Variants in ME1 observed in about 807,000 individuals in gnomAD.
The protein encoded by ME1 is NADP-dependent malic enzyme.
In ME1, 74 loss-of-function variants were observed where a neutral mutation model predicts 66.4. That is an observed-to-expected ratio of 1.11 (90% CI 0.92 to 1.35). The LOEUF is 1.35. ME1 is among the 40% of genes most tolerant of loss of function. The probability of loss-of-function intolerance (pLI) is 0.00; values close to 1 mark genes in which losing one functional copy is unlikely to be tolerated. For synonymous variants in ME1, 251 were observed against 235.6 expected, an observed-to-expected ratio of 1.07 and a Z score of -0.60; for missense variants, 750 against 694.1, an observed-to-expected ratio of 1.08 and a Z score of -0.90.
intron 3 of ME1, among the ~76,000 whole-genome samples, chr6:83,365,977 G>A (rs1381589734): frequency 2.0e-5 from 3 of 152,014 alleles, no homozygotes; most frequent in Non-Finnish European, 4.4e-5. Context: ...CATTCTCCAG[G>A]CTCCAATGTT....
chr6:83,334,213 C>T (rs936365131), intron 5 of ME1, among the ~76,000 whole-genome samples: 1 of 149,348 alleles, frequency 6.7e-6, no homozygotes, highest in Non-Finnish European at 1.5e-5. Context: ...ACGGACGCAC[C>T]TGGAAAATCG....
At chr6:83,306,349 C>G (rs1283656225) in intron 6 of ME1, among the ~76,000 whole-genome samples, 2 of 151,870 alleles carry the variant, frequency 1.3e-5, no homozygotes, top group African/African-American at 2.4e-5. Context: ...TAATGATTAT[C>G]TTTAATAATC....
At chr6:83,239,787 T>A (rs1217775377) in intron 7 of ME1, 151 bp from the exon 8 acceptor site, 3 of 580,750 alleles carry the variant, frequency 5.2e-6, no homozygotes, top group Admixed American at 5.8e-5. Flanking sequence ...GCATACGTGG[T>A]AAAATTCCCA....
intron 12 of ME1, among the ~76,000 whole-genome samples, chr6:83,219,225 G>A (rs1387082850): frequency 6.6e-6 from 1 of 152,152 alleles, no homozygotes; most frequent in African/African-American, 2.4e-5. Flanking sequence ...AAGGAGATGT[G>A]GCAGATTTAA....
chr6:83,376,236 T>C (rs1411950562), intron 3 of ME1, among the ~76,000 whole-genome samples: 1 of 152,152 alleles, frequency 6.6e-6, no homozygotes, highest in East Asian at 1.9e-4. Flanking sequence ...CTGAGCACGA[T>C]GGCTCATGCC....
intron 2 of ME1, among the ~76,000 whole-genome samples, chr6:83,400,614 C>A (rs1583418322): frequency 6.6e-6 from 1 of 152,116 alleles, no homozygotes; most frequent in South Asian, 2.1e-4. Context: ...TCTAAATCAC[C>A]ATCATCTCTT....
At chr6:83,327,046 T>A (rs1056548805) in intron 5 of ME1, among the ~76,000 whole-genome samples, 2 of 152,326 alleles carry the variant, frequency 1.3e-5, no homozygotes, top group Non-Finnish European at 2.9e-5. Flanking sequence ...TTTACTGCAA[T>A]CTCTAAACAC....
chr6:83,329,904 A>G (rs1194967623), intron 5 of ME1, among the ~76,000 whole-genome samples: 1 of 152,116 alleles, frequency 6.6e-6, no homozygotes, highest in Non-Finnish European at 1.5e-5. Context: ...AGCTCACTAT[A>G]GCCTCGAACT....
intron 3 of ME1, among the ~76,000 whole-genome samples, chr6:83,358,172 C>G (rs1208747629): frequency 6.6e-6 from 1 of 151,406 alleles, no homozygotes; most frequent in Non-Finnish European, 1.5e-5. Context: ...ATGCTAAGGA[C>G]TCTACTTCTA....
At chr6:83,408,061 C>A (rs1241361684) in intron 1 of ME1, among the ~76,000 whole-genome samples, 160 bp from the exon 2 acceptor site, 1 of 152,152 alleles carries the variant, frequency 6.6e-6, no homozygotes, top group African/African-American at 2.4e-5. Flanking sequence ...GTAAGCTCTC[C>A]ATATCTCAGT....
chr6:83,391,329 C>T lies in ME1; in HGVS notation c.362+7038G>A, dbSNP rs571677795. Among the ~76,000 whole-genome samples, 4 of 152,240 alleles carry T rather than the reference C, an allele frequency of 2.6e-5. No homozygotes were observed. In the East Asian group the frequency reaches 7.7e-4, roughly 29 times the overall value. ...CCAGAGCCCATACTTTCAATCACTA[C>T]TCTAGGAAGCTTTCAGTCCAGCAGA... On this transcript the variant is annotated intron_variant, in intron 3 of 13. Transcript: ENST00000369705.
chr6:83,273,524 T>G (rs1002099812), intron 6 of ME1, among the ~76,000 whole-genome samples: 6 of 152,142 alleles, frequency 3.9e-5, no homozygotes, highest in African/African-American at 1.2e-4. Flanking sequence ...ATCCTAAACT[T>G]AAGTCTTATT....
At chr6:83,345,751 G>C (rs1266032218) in intron 5 of ME1, among the ~76,000 whole-genome samples, 2 of 152,102 alleles carry the variant, frequency 1.3e-5, no homozygotes, top group Non-Finnish European at 2.9e-5. Context: ...ATAAAGTCAT[G>C]ATTGAGAAAA....
intron 1 of ME1, among the ~76,000 whole-genome samples, chr6:83,421,093 A>G (rs746519598): frequency 1.3e-5 from 2 of 152,316 alleles, no homozygotes; most frequent in Middle Eastern, 3.4e-3. Context: ...CTTCTCCTTC[A>G]CAGCACAAAA....
At chr6:83,331,608 G>C (rs1768412768) in intron 5 of ME1, among the ~76,000 whole-genome samples, 1 of 151,174 alleles carries the variant, frequency 6.6e-6, no homozygotes, top group Non-Finnish European at 1.5e-5. Context: ...AAAAGAAGAG[G>C]AAATTAGGAT....
chr6:83,373,299 G>C lies in ME1; in HGVS notation c.363-21160C>G, dbSNP rs183865892. Among the ~76,000 whole-genome samples the C allele has an allele frequency of 2.2e-4, 33 of 151,808 alleles. 1 individual carries two copies. In the East Asian group the frequency reaches 6.0e-3, roughly 28 times the overall value. ...CGCCCAGGCTGGAGTGCAGTGGTGCGATCTCAGCTCACTGCAACCCGTACC... is the reference window on the plus strand; with the variant it reads ...CGCCCAGGCTGGAGTGCAGTGGTGCCATCTCAGCTCACTGCAACCCGTACC... On this transcript the variant is annotated intron_variant, in intron 3 of 13. Coordinates refer to ENST00000369705, the MANE Select transcript of ME1 (RefSeq NM_002395.6).
intron 3 of ME1, among the ~76,000 whole-genome samples, chr6:83,358,870 T>C: frequency 6.6e-6 from 1 of 152,308 alleles, no homozygotes; most frequent in East Asian, 1.9e-4. Context: ...GATAATGTTT[T>C]TTTTTTTCTT....
intron 6 of ME1, among the ~76,000 whole-genome samples, chr6:83,311,764 G>C (rs1371128365): frequency 6.6e-6 from 1 of 152,082 alleles, no homozygotes. Flanking sequence ...CTAAGACCAG[G>C]TGAGAATGCT....
intron 1 of ME1, among the ~76,000 whole-genome samples, chr6:83,415,340 TG>T (rs1262732978): frequency 6.6e-6 from 1 of 152,176 alleles, no homozygotes; most frequent in African/African-American, 2.4e-5. Context: ...TCCTGAATAA[TG>T]ATCTCCTTCA....
Sources: allele counts gnomAD v4.1 joint callset (sites outside exome capture counted in the v4.1 genomes callset), GRCh38; gene constraint gnomAD v4.1.1; transcripts MANE v1.5; gene names NCBI Gene and HGNC (gene_info 2026-07-23, HGNC 2026-07-21).